Variants in PATJ observed in about 807,000 individuals in gnomAD.
PATJ encodes inaD-like protein.
PATJ carries 190 observed loss-of-function variants against 224.9 expected under a neutral mutation model. That is an observed-to-expected ratio of 0.84 (90% CI 0.75 to 0.95). PATJ has a LOEUF of 0.95. Among genes scored for constraint, PATJ ranks in the 40% least tolerant of loss-of-function variants. The pLI is 0.00. For missense variants in PATJ, 2,121 were observed against 2,270.3 expected (o/e 0.93, Z 1.34); for synonymous variants, 769 against 820.3 (o/e 0.94, Z 1.07).
intron 7 of PATJ, among the ~76,000 whole-genome samples, chr1:61,781,504 A>G (rs1570452336): frequency 6.6e-6 from 1 of 152,228 alleles, no homozygotes; most frequent in East Asian, 1.9e-4. Flanking sequence ...CTCAGGCCCT[A>G]GGCTATGGCA....
At chr1:61,845,728 A>T (rs955052066) in intron 17 of PATJ, among the ~76,000 whole-genome samples, 4 of 152,204 alleles carry the variant, frequency 2.6e-5, no homozygotes, top group Non-Finnish European at 5.9e-5. Context: ...AACACTGCAG[A>T]ATCTTTTCTA....
rs764412295 is a variant in PATJ at position 61,908,465 on chromosome 1, T to C, written c.3475T>C (p.Leu1159=). The C allele has an allele frequency of 2.5e-6, 4 of 1,612,342 alleles. No individual in the cohort carries two copies. In the South Asian group the frequency reaches 3.3e-5, roughly 13 times the overall value. The change falls in exon 25 of 44, where the codon TTG becomes CTG. Residue 1159 remains leucine, a synonymous_variant. Coordinates refer to ENST00000642238, the MANE Select transcript of PATJ (RefSeq NM_001350145.3). The stretch of plus-strand genomic sequence containing the variant: ...CCCTGTGGTGTTCATTGTTCAGAGT[T>C]TGTCATCCACTCCACGAGTAAGTTT... The part of the protein sequence containing the change: ...GNPVVFIVQS[L]SSTPRVIPNV...
At chr1:61,795,911 C>G (rs550981040) in intron 10 of PATJ, among the ~76,000 whole-genome samples, 71 of 152,182 alleles carry the variant, frequency 4.7e-4, no homozygotes, top group Middle Eastern at 3.4e-3. Flanking sequence ...TTAACCAGCT[C>G]TTTCTATCTT....
rs1341448123 is a variant in PATJ, at chr1:62,106,059, A to AT, written c.4378-2378_4378-2377insT. On this transcript the variant is annotated intron_variant, in intron 33 of 43. Coordinates refer to ENST00000642238, the MANE Select transcript of PATJ (RefSeq NM_001350145.3). ...GAGACTCCTCTTAAAAAAAAAAAAAAAAAAATATATATATATATATACACA... is the reference window on the plus strand; with the variant it reads ...GAGACTCCTCTTAAAAAAAAAAAAAATAAAAATATATATATATATATACACA... Among the ~76,000 whole-genome samples the AT allele has an allele frequency of 5.3e-4, 22 of 41,176 alleles. 2 individuals are homozygous for AT. Among genetic ancestry groups the AT allele is most frequent in the Admixed American group, 1.1e-3 (4 of 3,564 alleles). The allele number at this position is 41,176 out of a possible 152,430, so 27.0% of individuals were successfully genotyped here. A position where few individuals can be genotyped will look rare whatever the true frequency, so the allele number is the denominator to read the frequency against.
At chr1:62,003,495 G>T (rs1025635676) in intron 28 of PATJ, among the ~76,000 whole-genome samples, 2 of 152,016 alleles carry the variant, frequency 1.3e-5, no homozygotes, top group African/African-American at 4.8e-5. Context: ...GTGATCCTTT[G>T]GAAACATTAT....
intron 28 of PATJ, among the ~76,000 whole-genome samples, chr1:62,011,338 T>C (rs770264379): frequency 6.6e-6 from 1 of 152,214 alleles, no homozygotes; most frequent in Admixed American, 6.5e-5. Flanking sequence ...TCCTTTTACT[T>C]GAACACTTAA....
intron 41 of PATJ, among the ~76,000 whole-genome samples, chr1:62,145,861 G>A (rs1053848059): frequency 6.6e-6 from 1 of 151,726 alleles, no homozygotes; most frequent in Non-Finnish European, 1.5e-5. Flanking sequence ...GGGACACTAA[G>A]GCACGAGAAT....
chr1:61,933,113 A>G (rs1291237810), intron 27 of PATJ, among the ~76,000 whole-genome samples: 2 of 152,156 alleles, frequency 1.3e-5, no homozygotes, highest in Non-Finnish European at 2.9e-5. Flanking sequence ...ATTAATTGAG[A>G]ATTATGAAAA....
chr1:61,852,798 C>G (rs1165396497), intron 17 of PATJ, among the ~76,000 whole-genome samples: 1 of 152,120 alleles, frequency 6.6e-6, no homozygotes, highest in Non-Finnish European at 1.5e-5. Context: ...GAATAGCAGC[C>G]ACCTCAGTAG....
intron 38 of PATJ, among the ~76,000 whole-genome samples, 196 bp from the exon 39 acceptor site, chr1:62,122,825 A>G (rs1321482526): frequency 6.8e-6 from 1 of 146,120 alleles, no homozygotes; most frequent in Non-Finnish European, 1.5e-5. Context: ...CTCTGTGTCA[A>G]AAAAAAAAAA....
At chr1:62,071,766 C>T (rs1657466006) in intron 31 of PATJ, among the ~76,000 whole-genome samples, 1 of 152,176 alleles carries the variant, frequency 6.6e-6, no homozygotes, top group South Asian at 2.1e-4. Flanking sequence ...GGATTACAGG[C>T]GTGAACCACT....
chr1:61,964,983 G>A (rs1287837998), intron 27 of PATJ, among the ~76,000 whole-genome samples: 1 of 151,188 alleles, frequency 6.6e-6, no homozygotes, highest in Non-Finnish European at 1.5e-5. Context: ...GTGGTGGTGT[G>A]TGCCTGTAGC....
At chr1:61,887,123 A>T (rs1018807851) in intron 22 of PATJ, among the ~76,000 whole-genome samples, 1 of 152,114 alleles carries the variant, frequency 6.6e-6, no homozygotes, top group African/African-American at 2.4e-5. Flanking sequence ...ATGTATATCA[A>T]ACTGAAGAGA....
At chr1:61,834,026 A>G (rs1017520925) in intron 17 of PATJ, among the ~76,000 whole-genome samples, 1 of 152,216 alleles carries the variant, frequency 6.6e-6, no homozygotes, top group Non-Finnish European at 1.5e-5. Flanking sequence ...GGGTGCTTTT[A>G]GAGCAGGATC....
At chr1:61,997,215 A>C (rs1645419603) in intron 28 of PATJ, among the ~76,000 whole-genome samples, 1 of 152,248 alleles carries the variant, frequency 6.6e-6, no homozygotes, top group Non-Finnish European at 1.5e-5. Flanking sequence ...ATGAGTGATT[A>C]AACCTGACAC....
chr1:61,898,953 A>AT (rs35895958), intron 22 of PATJ, among the ~76,000 whole-genome samples: 46 of 150,510 alleles, frequency 3.1e-4, no homozygotes, highest in East Asian at 1.4e-3. Flanking sequence ...TGCACAGCTG[A>AT]TTTTTTTTTT....
intron 41 of PATJ, among the ~76,000 whole-genome samples, chr1:62,145,659 C>CA (rs886663724): frequency 2.5e-4 from 38 of 151,128 alleles, no homozygotes; most frequent in Non-Finnish European, 5.5e-4. Flanking sequence ...GTCCCTGTCT[C>CA]AAAAAATAAA....
At chr1:62,051,330 G>A (rs1190043260) in intron 31 of PATJ, among the ~76,000 whole-genome samples, 1 of 151,878 alleles carries the variant, frequency 6.6e-6, no homozygotes, top group East Asian at 1.9e-4. Flanking sequence ...TGTTTTTTGA[G>A]ATGGAGCCTC....
intron 21 of PATJ, among the ~76,000 whole-genome samples, chr1:61,883,498 T>C (rs576047215): frequency 6.6e-6 from 1 of 152,168 alleles, no homozygotes; most frequent in Non-Finnish European, 1.5e-5. Context: ...GCCTGTAATC[T>C]CAGCACTTTG....
Sources: gnomAD v4.1 joint callset for allele counts (sites outside exome capture counted in the v4.1 genomes callset) on GRCh38, gnomAD v4.1.1 for gene constraint, MANE v1.5 for transcripts, NCBI Gene and HGNC (gene_info 2026-07-23, HGNC 2026-07-21) for gene names.